The following SMARCD3 variants were observed in gnomAD, a reference collection of about 807,000 sequenced individuals.
The protein encoded by SMARCD3 is SWI/SNF related BAF chromatin remodeling complex subunit D3, also known as SWI/SNF-related matrix-associated actin-dependent regulator of chromatin subfamily D member 3.
SMARCD3 carries 14 observed loss-of-function variants against 58.0 expected under a neutral mutation model. That is an observed-to-expected ratio of 0.24 (90% confidence interval 0.16 to 0.38). SMARCD3 has a LOEUF of 0.38. SMARCD3 is among the 10% of genes least tolerant of loss of function. The pLI, the probability that SMARCD3 is intolerant of heterozygous loss-of-function variation, is 1.00. For synonymous variants in SMARCD3, 253 were observed against 253.8 expected (o/e 1.00, Z 0.03); for missense variants, 408 against 636.9 (o/e 0.64, Z 3.87).
intron 1 of SMARCD3, among the ~76,000 whole-genome samples, chr7:151,276,181 G>A (rs1013420268): frequency 4.0e-5 from 6 of 151,674 alleles, no homozygotes; most frequent in Non-Finnish European, 7.4e-5. Context: ...GGGGGACAGA[G>A]GGACAACCTG....
Position 151,242,627 on chromosome 7 carries a change from G to A in SMARCD3, c.457-24C>T, listed in dbSNP as rs770663980. On this transcript the variant is annotated intron_variant, in intron 4 of 12. Coordinates refer to ENST00000262188, the MANE Select transcript of SMARCD3 (RefSeq NM_001003801.2). This position sits in a 1 kb window ranked among gnomAD's most constrained non-coding sequence, Gnocchi z 4.7. ...TGCTGTAGAAATAGAGTGCAGAACC[G>A]GGCGAATGCTGTGTGCTCCCACCCC... 10 of 1,611,936 alleles carry A rather than the reference G, an allele frequency of 6.2e-6. No homozygotes were observed. The highest frequency in any genetic ancestry group is 1.1e-5 in the South Asian group (1 of 91,062).
chr7:151,268,773 T>C lies in SMARCD3; in HGVS notation c.39+6341A>G, dbSNP rs377294763. Among the ~76,000 whole-genome samples, 223 of 149,050 alleles carry C rather than the reference T, an allele frequency of 1.5e-3. 3 individuals carry two copies. The highest frequency in any genetic ancestry group is 4.7e-3 in the Admixed American group (71 of 14,986). ...TTAAACCACACAAAATTCTCTCTCT[T>C]TTTTTTTTAATGTAGAGATGAGGTC... On this transcript the variant is annotated intron_variant, in intron 2 of 13. Transcript: ENST00000356800.
chr7:151,248,754 CCCGCCGCCG>C (rs563262664), upstream of SMARCD3: 1,875 of 1,041,632 alleles, frequency 1.8e-3, 33 homozygotes, highest in Non-Finnish European at 2.0e-3. The surrounding 1 kb of genome is among the most constrained non-coding windows in gnomAD (Gnocchi z 6.1). Context: ...CCGCCGCCCG[CCCGCCGCCG>C]CCGCCGCCGC....
intron 2 of SMARCD3, among the ~76,000 whole-genome samples, chr7:151,264,387 A>G (rs1804016356): frequency 6.6e-6 from 1 of 152,104 alleles, no homozygotes; most frequent in South Asian, 2.1e-4. Flanking sequence ...CAAAACAGAG[A>G]GGAGCTAATG....
rs185924833 is a variant in SMARCD3 at position 151,242,121 on chromosome 7, G to C, written c.675+16C>G. 3 of 1,594,454 alleles carry C rather than the reference G, an allele frequency of 1.9e-6. No homozygotes were observed. In the African/African-American group the frequency reaches 4.0e-5, roughly 21 times the overall value. The stretch of plus-strand genomic sequence containing the variant: ...GGAGGGTGGCAATTCAAGGGCGGAG[G>C]GGCTCTTGGTCTTACCTCAACGAGG... On this transcript the variant is annotated intron_variant, in intron 6 of 12. Coordinates refer to ENST00000262188, the MANE Select transcript of SMARCD3 (RefSeq NM_001003801.2). This position sits in a 1 kb window ranked among gnomAD's most constrained non-coding sequence, Gnocchi z 4.7.
intron 2 of SMARCD3, among the ~76,000 whole-genome samples, chr7:151,255,359 C>A (rs1344766209): frequency 6.6e-6 from 1 of 152,200 alleles, no homozygotes; most frequent in South Asian, 2.1e-4. Flanking sequence ...AGCAGTGGCT[C>A]GACCACTGGC....
intron 2 of SMARCD3, among the ~76,000 whole-genome samples, chr7:151,271,585 T>A (rs1166346317): frequency 6.6e-6 from 1 of 152,160 alleles, no homozygotes; most frequent in Admixed American, 6.5e-5. Context: ...TGTGACTCTG[T>A]ACTTAATTTC....
chr7:151,240,314 G>T, intron 9 of SMARCD3, 67 bp from the exon 10 acceptor site: 1 of 1,610,444 alleles, frequency 6.2e-7, no homozygotes. Flanking sequence ...CCGGGGCTGG[G>T]GCAGATCCAA....
Position 151,245,673 on chromosome 7 carries a change from TGGGGGTGGGC to T in SMARCD3, c.79-12_79-3del. 2.4e-5 allele frequency: 12 copies of T among 508,640 alleles called. No individual in the cohort carries two copies. The highest frequency in any genetic ancestry group is 9.2e-5 in the South Asian group (1 of 10,832). The allele number at this position is 508,640 out of a possible 1,614,324, so 31.5% of individuals were successfully genotyped here. On this transcript the variant is annotated splice_polypyrimidine_tract_variant and splice_region_variant and intron_variant, in intron 1 of 12. Coordinates refer to ENST00000262188, the MANE Select transcript of SMARCD3 (RefSeq NM_001003801.2). This position sits in a 1 kb window ranked among gnomAD's most constrained non-coding sequence, Gnocchi z 6.2. Reference sequence around the variant, plus strand: ...GGCTCCAGACGGCATCCCGGGGCGCTGGGGGTGGGCGGGGGTGAAGCAGAAACGGGCGCCC... The same window carrying T: ...GGCTCCAGACGGCATCCCGGGGCGCTGGGGGTGAAGCAGAAACGGGCGCCC...
Position 151,245,745 on chromosome 7 carries a change from G to A in SMARCD3, c.79-74C>T, listed in dbSNP as rs1803228931. 1 of 402,562 alleles carries A rather than the reference G, an allele frequency of 2.5e-6. No homozygotes were observed. The highest frequency in any genetic ancestry group is 4.3e-6 in the Non-Finnish European group (1 of 233,244). 24.9% of individuals were successfully genotyped at this position (402,562 alleles called of 1,614,324 possible). ...CAGGGCCCCCCGCTCCAGGCGCGGTGAGCCGGCGTCTCCCCTCCCCCACCA... is the reference window on the plus strand; with the variant it reads ...CAGGGCCCCCCGCTCCAGGCGCGGTAAGCCGGCGTCTCCCCTCCCCCACCA... On this transcript the variant is annotated intron_variant, in intron 1 of 12. Coordinates refer to ENST00000262188, the MANE Select transcript of SMARCD3 (RefSeq NM_001003801.2). This position sits in a 1 kb window ranked among gnomAD's most constrained non-coding sequence, Gnocchi z 6.2.
chr7:151,248,444 C>A lies in SMARCD3; in HGVS notation c.78+41G>T. On this transcript the variant is annotated intron_variant, in intron 1 of 12. Transcript: ENST00000262188. This position sits in a 1 kb window ranked among gnomAD's most constrained non-coding sequence, Gnocchi z 6.1. ...CGATCAGCCCTCCATTCAGCCCGAGCCAGCTCGCTTGCCCTCCCCCGCTAA... is the reference window on the plus strand; with the variant it reads ...CGATCAGCCCTCCATTCAGCCCGAGACAGCTCGCTTGCCCTCCCCCGCTAA... The A allele has an allele frequency of 6.4e-7, 1 of 1,554,722 alleles. No homozygotes were observed. Among genetic ancestry groups the A allele is most frequent in the East Asian group, 2.3e-5 (1 of 43,952 alleles).
chr7:151,253,686 C>T (rs1381298475), upstream of SMARCD3, among the ~76,000 whole-genome samples: 3 of 152,296 alleles, frequency 2.0e-5, no homozygotes, highest in Non-Finnish European at 4.4e-5. Flanking sequence ...GAGGTGGTCG[C>T]TTGTAGCAGG....
In SMARCD3 at chr7:151,241,581, C is replaced by A. The variant is rs1286067676; in HGVS notation, c.850G>T (p.Val284Phe). Residue 284 changes from valine to phenylalanine, a missense_variant, in exon 8 of 13, where the codon GTC becomes TTC. Coordinates refer to ENST00000262188, the MANE Select transcript of SMARCD3 (RefSeq NM_001003801.2). The surrounding 1 kb of genome is among the most constrained non-coding windows in gnomAD (Gnocchi z 5.3). ...TTCACATACTGCCACAGGGCCTGGA[C>A]AATGGCTGAGCGGCTCTGTGTGTGC... ...GLHTQSRSAIVQALWQYVKTN... is the reference protein window; with the variant it reads ...GLHTQSRSAIFQALWQYVKTN... 1.1e-5 allele frequency: 18 copies of A among 1,611,344 alleles called. No homozygotes were observed. The highest frequency in any genetic ancestry group is 1.5e-5 in the Non-Finnish European group (18 of 1,178,784).
rs781154951 is a variant in SMARCD3 at position 151,242,784 on chromosome 7, T to C, written c.393A>G (p.Lys131=). The change falls in exon 4 of 13, where the codon AAA becomes AAG. Residue 131 remains lysine (K), a synonymous_variant. Transcript: ENST00000262188. This position sits in a 1 kb window ranked among gnomAD's most constrained non-coding sequence, Gnocchi z 4.7. ...AYMDLLAFER[K]LDQTIMRKRV... is the part of the protein sequence containing the mutation. ...GCTTCCGCATGATGGTTTGATCCAG[T>C]TTCCTCTCAAATGCCAAGAGGTCCA... 6.2e-6 allele frequency: 10 copies of C among 1,614,110 alleles called. No individual in the cohort carries two copies. The highest frequency in any genetic ancestry group is 1.6e-4 in the Middle Eastern group (1 of 6,062).
upstream of SMARCD3, among the ~76,000 whole-genome samples, chr7:151,252,070 C>T (rs578012633): frequency 6.6e-6 from 1 of 151,954 alleles, no homozygotes; most frequent in Non-Finnish European, 1.5e-5. Flanking sequence ...AGGAGGGATG[C>T]GGGGAAGAGA....
chr7:151,256,045 T>C (rs1416717019), intron 2 of SMARCD3, among the ~76,000 whole-genome samples: 1 of 152,046 alleles, frequency 6.6e-6, no homozygotes, highest in African/African-American at 2.4e-5. Flanking sequence ...CATACCCAGC[T>C]AATTTTTTGT....
intron 2 of SMARCD3, among the ~76,000 whole-genome samples, chr7:151,271,198 G>C (rs1795164598): frequency 6.6e-6 from 1 of 152,160 alleles, no homozygotes; most frequent in Non-Finnish European, 1.5e-5. Context: ...GCCTGCACCA[G>C]CCGCACAATC....
At chr7:151,260,867 G>A (rs906060183) in intron 2 of SMARCD3, among the ~76,000 whole-genome samples, 2 of 152,192 alleles carry the variant, frequency 1.3e-5, no homozygotes, top group South Asian at 2.1e-4. Context: ...CCAGGCAAAC[G>A]TAAGTGGGAT....
At chr7:151,271,475 G>T (rs1795172458) in intron 2 of SMARCD3, among the ~76,000 whole-genome samples, 1 of 152,058 alleles carries the variant, frequency 6.6e-6, no homozygotes, top group Admixed American at 6.5e-5. Flanking sequence ...TGTGGGGAAA[G>T]ACCAGGACTG....
Sources: gnomAD v4.1 joint callset for allele counts (sites outside exome capture counted in the v4.1 genomes callset) on GRCh38, gnomAD v4.1.1 for gene constraint, Gnocchi (gnomAD v3.1) non-coding constraint, MANE v1.5 for transcripts, NCBI Gene and HGNC (gene_info 2026-07-23, HGNC 2026-07-21) for gene names.